FHDC1: variants seen among roughly 807,000 people sequenced by gnomAD.
The protein encoded by FHDC1 is FH2 domain containing 1.
In FHDC1, 25 loss-of-function variants were observed where a neutral mutation model predicts 52.6. The ratio of observed to expected loss-of-function variants is 0.48; its 90% CI spans 0.35 to 0.66. The LOEUF (loss-of-function observed/expected upper bound fraction) is 0.66, where lower values mean the gene tolerates loss of function less well. FHDC1 is among the 30% of genes least tolerant of loss of function. The probability of loss-of-function intolerance (pLI) is 0.01; values close to 1 mark genes in which losing one functional copy is unlikely to be tolerated. For synonymous variants in FHDC1, 616 were observed against 581.5 expected (o/e 1.06, Z -0.85); for missense variants, 1,459 against 1,452.8 (o/e 1.00, Z -0.07).
At chr4:152,928,357 G>A in the FHDC1 span, 20 of 443,948 alleles carry the variant, frequency 4.5e-5, no homozygotes, top group East Asian at 1.0e-4. Context: ...ATCTAAAAAT[G>A]TGCTAGAATC....
the FHDC1 span, among the ~76,000 whole-genome samples, chr4:152,916,243 A>C: frequency 1.3e-5 from 2 of 152,206 alleles, no homozygotes; most frequent in Non-Finnish European, 1.5e-5. Flanking sequence ...GAGTCACTTG[A>C]GTGTGTATTT....
intron 1 of FHDC1, among the ~76,000 whole-genome samples, chr4:152,939,712 G>A (rs1739523472): frequency 6.6e-6 from 1 of 152,212 alleles, no homozygotes; most frequent in African/African-American, 2.4e-5. Context: ...GCACTCAGGG[G>A]ACTTGAGGAG....
chr4:152,977,039 T>C lies in FHDC1; in HGVS notation c.*316T>C, dbSNP rs1202927941. 4.3e-6 allele frequency: 1 copy of C among 230,518 alleles called. No homozygotes were observed. The highest frequency in any genetic ancestry group is 8.3e-6 in the Non-Finnish European group (1 of 120,870). 14.3% of individuals were successfully genotyped at this position (230,518 alleles called of 1,614,324 possible). A position where few individuals can be genotyped will look rare whatever the true frequency, so the allele number is the denominator to read the frequency against. On this transcript the variant is annotated 3_prime_UTR_variant, in exon 12 of 12. Transcript: ENST00000511601. ...GTAGGAGTGTAAAGTGACATTCTTATGAAACAAGTCAAAAAAGTTTTTTTC... is the reference window on the plus strand; with the variant it reads ...GTAGGAGTGTAAAGTGACATTCTTACGAAACAAGTCAAAAAAGTTTTTTTC...
intron 4 of FHDC1, among the ~76,000 whole-genome samples, chr4:152,955,166 G>A (rs969893712): frequency 6.6e-5 from 10 of 152,108 alleles, no homozygotes; most frequent in African/African-American, 2.2e-4. Context: ...GGGGAGGTAG[G>A]TAAACTGTTA....
At chr4:152,928,072 C>G in the FHDC1 span, 1 of 1,370,420 alleles carries the variant, frequency 7.3e-7, no homozygotes, top group Non-Finnish European at 1.0e-6. Flanking sequence ...CAGTCTGTAT[C>G]AGCATCCTCC....
At chr4:152,955,769 C>T (rs1740064797) in intron 4 of FHDC1, among the ~76,000 whole-genome samples, 1 of 152,228 alleles carries the variant, frequency 6.6e-6, no homozygotes, top group Non-Finnish European at 1.5e-5. Flanking sequence ...TGAGCCACTG[C>T]ACCTGGCCAA....
At chr4:152,953,669 C>G in intron 3 of FHDC1, 109 bp downstream of exon 3, 1 of 914,704 alleles carries the variant, frequency 1.1e-6, no homozygotes, top group East Asian at 2.4e-5. Flanking sequence ...TCAAATCCTT[C>G]TTAGACGCAT....
chr4:152,913,888 T>A, the FHDC1 span, among the ~76,000 whole-genome samples: 3 of 152,054 alleles, frequency 2.0e-5, no homozygotes, highest in Non-Finnish European at 1.5e-5. Flanking sequence ...TCCATGTGGG[T>A]CAGGCTGGTC....
At chr4:152,926,895 G>A in the FHDC1 span, among the ~76,000 whole-genome samples, 1 of 152,036 alleles carries the variant, frequency 6.6e-6, no homozygotes, top group African/African-American at 2.4e-5. Flanking sequence ...CAATTTATAT[G>A]ATTACTGAGT....
At chr4:152,966,756 C>CTGTAATCCCAGAT (rs1402252508) in intron 9 of FHDC1, among the ~76,000 whole-genome samples, 1 of 152,084 alleles carries the variant, frequency 6.6e-6, no homozygotes, top group Admixed American at 6.5e-5. Context: ...GCTACCATGC[C>CTGTAATCCCAGAT]AGGCCCACAT....
chr4:152,960,510 T>C, intron 4 of FHDC1, 55 bp from the exon 5 acceptor site: 1 of 1,385,426 alleles, frequency 7.2e-7, no homozygotes. Context: ...TTAAATAATC[T>C]TAAATTGTAT....
rs576603268 is a variant in FHDC1 at position 152,937,048 on chromosome 4, G to A, written c.-131+639G>A. ...CCGCGCCTGCAGGAGTGTGGGGAGGGGGAGGAAGCGGGTGGGCTGGGGATC... is the reference window on the plus strand; with the variant it reads ...CCGCGCCTGCAGGAGTGTGGGGAGGAGGAGGAAGCGGGTGGGCTGGGGATC... On this transcript the variant is annotated intron_variant, in intron 1 of 11. Transcript: ENST00000511601. 5.3e-5 allele frequency among the ~76,000 whole-genome samples: 8 copies of A among 152,350 alleles called. No individual in the cohort carries two copies. In the South Asian group the frequency reaches 1.2e-3, roughly 24 times the overall value.
chr4:152,967,012 T>A (rs1308406950), intron 9 of FHDC1, among the ~76,000 whole-genome samples: 1 of 152,070 alleles, frequency 6.6e-6, no homozygotes, highest in Non-Finnish European at 1.5e-5. Flanking sequence ...CCCAATTACT[T>A]GGAAGGCTGT....
At chr4:152,936,763 A>G (rs1739392418) in intron 1 of FHDC1, among the ~76,000 whole-genome samples, 1 of 152,232 alleles carries the variant, frequency 6.6e-6, no homozygotes, top group Non-Finnish European at 1.5e-5. Context: ...TGGGCGGTTG[A>G]CTATTAGTCG....
intron 10 of FHDC1, 149 bp downstream of exon 10, chr4:152,968,246 A>C: frequency 1.7e-6 from 1 of 594,930 alleles, no homozygotes; most frequent in Non-Finnish European, 3.0e-6. Flanking sequence ...TGGTATTTCC[A>C]TGCCCATTCT....
At chr4:152,924,575 G>A in the FHDC1 span, among the ~76,000 whole-genome samples, 1 of 152,100 alleles carries the variant, frequency 6.6e-6, no homozygotes, top group Non-Finnish European at 1.5e-5. Flanking sequence ...GTTTATTGCG[G>A]CACTATTCAC....
At chr4:152,966,164 A>G (rs1310204983) in intron 9 of FHDC1, among the ~76,000 whole-genome samples, 1 of 152,218 alleles carries the variant, frequency 6.6e-6, no homozygotes, top group Admixed American at 6.5e-5. Context: ...AGAAATTAGC[A>G]TTATATTTTT....
intron 1 of FHDC1, among the ~76,000 whole-genome samples, chr4:152,941,597 A>G (rs182651528): frequency 1.3e-5 from 2 of 152,352 alleles, no homozygotes; most frequent in Admixed American, 1.3e-4. Flanking sequence ...TGAAAGTAGC[A>G]GAACTTTCTG....
At chr4:152,934,001 C>G (rs1201051379), upstream of FHDC1, among the ~76,000 whole-genome samples, 1 of 152,052 alleles carries the variant, frequency 6.6e-6, no homozygotes, top group Non-Finnish European at 1.5e-5. Context: ...AAGAGAGAAG[C>G]AGAAAGAACA....
Sources: gnomAD v4.1 joint callset for allele counts (sites outside exome capture counted in the v4.1 genomes callset) on GRCh38, gnomAD v4.1.1 for gene constraint, MANE v1.5 for transcripts, NCBI Gene and HGNC (gene_info 2026-07-23, HGNC 2026-07-21) for gene names.